Variants in CAST observed in about 807,000 individuals in gnomAD.
CAST encodes calpastatin.
A neutral mutation model predicts 119.6 loss-of-function variants in CAST; 76 were observed. The ratio of observed to expected loss-of-function variants is 0.64; its 90% CI spans 0.53 to 0.77. The LOEUF (loss-of-function observed/expected upper bound fraction) is 0.77, where lower values mean the gene tolerates loss of function less well. CAST is among the 30% of genes least tolerant of loss of function. The pLI, the probability that CAST is intolerant of heterozygous loss-of-function variation, is 0.00. For missense variants in CAST, 953 were observed against 946.5 expected (o/e 1.01, Z -0.09); for synonymous variants, 319 against 331.6 (o/e 0.96, Z 0.41).
the CAST span, among the ~76,000 whole-genome samples, chr5:96,507,377 C>T: frequency 6.6e-6 from 1 of 152,108 alleles, no homozygotes. Context: ...CTTTGATGTA[C>T]AAAACCAGAG....
chr5:96,088,378 A>T, the CAST span, among the ~76,000 whole-genome samples: 1 of 152,284 alleles, frequency 6.6e-6, no homozygotes, highest in East Asian at 1.9e-4. Flanking sequence ...TCTTTTTCCC[A>T]GATCTTGACA....
chr5:96,134,827 G>T, the CAST span, among the ~76,000 whole-genome samples: 1 of 152,162 alleles, frequency 6.6e-6, no homozygotes, highest in Non-Finnish European at 1.5e-5. Context: ...AGGAAGAATA[G>T]CACATAAGTA....
the CAST span, among the ~76,000 whole-genome samples, chr5:96,413,572 G>C: frequency 6.6e-6 from 1 of 152,058 alleles, no homozygotes; most frequent in South Asian, 2.1e-4. Context: ...GGCCGAGGTG[G>C]GTGGATCACT....
the CAST span, among the ~76,000 whole-genome samples, chr5:96,124,387 AC>A: frequency 6.6e-6 from 1 of 152,260 alleles, no homozygotes; most frequent in South Asian, 2.1e-4. Context: ...GCCCTCAGAA[AC>A]TTTTATTAAG....
intron 1 of CAST, among the ~76,000 whole-genome samples, chr5:96,534,931 A>C (rs1745776397): frequency 1.0e-5 from 1 of 96,002 alleles, no homozygotes; most frequent in South Asian, 3.9e-4. Flanking sequence ...GGAATAAAGA[A>C]AGAAAGAAAG....
Position 96,692,541 on chromosome 5 carries a change from T to TTGGTAA in CAST, c.139-3295_139-3294insTGGTAA, listed in dbSNP as rs1472037279. Among the ~76,000 whole-genome samples the TTGGTAA allele has an allele frequency of 1.1e-4, 16 of 152,338 alleles. No individual in the cohort carries two copies. The East Asian group carries it at 2.9e-3, about 28-fold the overall frequency. On this transcript the variant is annotated intron_variant, in intron 2 of 31. Coordinates refer to ENST00000675179, the MANE Select transcript of CAST (RefSeq NM_001750.7). ...TGCTTTGGCTGCACTGGCTTCTTTCTGCTCCTCCTGCTTACCAAGCCCATT... is the reference window on the plus strand; with the variant it reads ...TGCTTTGGCTGCACTGGCTTCTTTCTTGGTAAGCTCCTCCTGCTTACCAAGCCCATT...
the CAST span, among the ~76,000 whole-genome samples, chr5:96,238,061 A>G: frequency 1.3e-5 from 2 of 152,124 alleles, no homozygotes; most frequent in Non-Finnish European, 2.9e-5. Context: ...ATGAAATACA[A>G]TGTTATTTTT....
chr5:96,034,496 CACACACACACATATGT>C, the CAST span, among the ~76,000 whole-genome samples: 2 of 126,064 alleles, frequency 1.6e-5, no homozygotes, highest in African/African-American at 6.4e-5. Context: ...CACACACACA[CACACACACACATATGT>C]GTGTGTGTAT....
chr5:96,391,956 A>T, the CAST span: 1 of 152,342 alleles, frequency 6.6e-6, no homozygotes, highest in African/African-American at 2.4e-5. Flanking sequence ...AGGATTGGAG[A>T]AGAACTTTTA....
chr5:96,702,869 C>T (rs1165519461), intron 3 of CAST: 2 of 985,396 alleles, frequency 2.0e-6, no homozygotes, highest in East Asian at 1.1e-4. Flanking sequence ...GAATGCAGAC[C>T]TCCTGAAAAC....
At chr5:96,137,714 T>C in the CAST span, among the ~76,000 whole-genome samples, 2 of 152,154 alleles carry the variant, frequency 1.3e-5, no homozygotes, top group African/African-American at 4.8e-5. Context: ...GGTATCTTGT[T>C]GTTTTAATTT....
the CAST span, among the ~76,000 whole-genome samples, chr5:96,145,417 C>T: frequency 7.2e-5 from 11 of 152,154 alleles, no homozygotes; most frequent in Admixed American, 3.9e-4. Flanking sequence ...CTTTGTATTT[C>T]GCCTTAACAG....
the CAST span, among the ~76,000 whole-genome samples, chr5:96,302,674 C>T: frequency 1.3e-5 from 2 of 152,208 alleles, no homozygotes; most frequent in African/African-American, 4.8e-5. Context: ...CTACGGATCC[C>T]TAGAGCAGGG....
At chr5:96,550,681 C>T (rs1238381872) in intron 1 of CAST, among the ~76,000 whole-genome samples, 3 of 152,100 alleles carry the variant, frequency 2.0e-5, no homozygotes, top group Non-Finnish European at 2.9e-5. Context: ...AAAGGTTAGA[C>T]GAATGGCTAA....
the CAST span, among the ~76,000 whole-genome samples, chr5:96,190,594 C>T: frequency 2.6e-5 from 4 of 152,124 alleles, no homozygotes; most frequent in African/African-American, 9.7e-5. Flanking sequence ...CTTCTTTTTG[C>T]TGTTAAGGCC....
At chr5:96,222,600 GATAAAAATA>G in the CAST span, among the ~76,000 whole-genome samples, 4 of 151,998 alleles carry the variant, frequency 2.6e-5, no homozygotes, top group African/African-American at 9.6e-5. Flanking sequence ...TTATTAAAAT[GATAAAAATA>G]ATAGATGCTG....
intron 1 of CAST, among the ~76,000 whole-genome samples, chr5:96,544,267 C>T (rs1477010771): frequency 6.6e-6 from 1 of 152,082 alleles, no homozygotes. Context: ...CATATAGATC[C>T]TGTACATATT....
At chr5:96,672,333 C>T (rs749190443) in intron 1 of CAST, among the ~76,000 whole-genome samples, 7 of 151,946 alleles carry the variant, frequency 4.6e-5, no homozygotes, top group African/African-American at 7.3e-5. Flanking sequence ...GAAATCTGAG[C>T]GGGGGGAATA....
At chr5:96,745,140 C>T (rs1044379967) in intron 16 of CAST, among the ~76,000 whole-genome samples, 1 of 152,148 alleles carries the variant, frequency 6.6e-6, no homozygotes, top group Non-Finnish European at 1.5e-5. Context: ...TCATGAAGGC[C>T]GCTGTGCCTT....
Sources: allele counts gnomAD v4.1 joint callset (sites outside exome capture counted in the v4.1 genomes callset), GRCh38; gene constraint gnomAD v4.1.1; transcripts MANE v1.5; gene names NCBI Gene and HGNC (gene_info 2026-07-23, HGNC 2026-07-21).